Variants in KCNMA1 observed in about 807,000 individuals in gnomAD.
The protein encoded by KCNMA1 is potassium calcium-activated channel subfamily M alpha 1.
Under a neutral mutation model 140.0 loss-of-function variants are expected in KCNMA1, and 29 were observed. The ratio of observed to expected loss-of-function variants is 0.21; its 90% CI spans 0.15 to 0.28. KCNMA1 has a LOEUF of 0.28. Among genes scored for constraint, KCNMA1 ranks in the 10% least tolerant of loss-of-function variants. The pLI is 1.00. For synonymous variants in KCNMA1, 612 were observed against 611.9 expected (o/e 1.00, Z 0.00); for missense variants, 880 against 1,602.2 (o/e 0.55, Z 7.70).
intron 1 of KCNMA1, among the ~76,000 whole-genome samples, chr10:77,476,941 C>T (rs932214797): frequency 6.6e-6 from 1 of 152,202 alleles, no homozygotes; most frequent in Non-Finnish European, 1.5e-5. Flanking sequence ...ATAAATAAGA[C>T]ACGACCCTAC....
At chr10:77,115,126 GCA>G (rs2097425387) in intron 6 of KCNMA1, among the ~76,000 whole-genome samples, 1 of 152,150 alleles carries the variant, frequency 6.6e-6, no homozygotes, top group Admixed American at 6.5e-5. Flanking sequence ...CTATGGAAGA[GCA>G]CAGAGGAATC....
At chr10:77,613,574 G>A (rs921248437) in intron 1 of KCNMA1, among the ~76,000 whole-genome samples, 2 of 146,628 alleles carry the variant, frequency 1.4e-5, no homozygotes, top group East Asian at 1.9e-4. Context: ...TGGTGTACAC[G>A]GAGGGGTTAA....
chr10:77,612,736 A>G (rs1192143043), intron 1 of KCNMA1, among the ~76,000 whole-genome samples: 1 of 152,110 alleles, frequency 6.6e-6, no homozygotes, highest in East Asian at 1.9e-4. Flanking sequence ...CATATTTCCA[A>G]TGTGGGGGTA....
intron 23 of KCNMA1, among the ~76,000 whole-genome samples, chr10:76,941,269 A>G (rs976591160): frequency 6.6e-6 from 1 of 152,166 alleles, no homozygotes; most frequent in Non-Finnish European, 1.5e-5. Flanking sequence ...CATAATCCCT[A>G]TTCCCTTGGA....
At chr10:77,344,031 C>T (rs1188116687) in intron 2 of KCNMA1, among the ~76,000 whole-genome samples, 1 of 152,180 alleles carries the variant, frequency 6.6e-6, no homozygotes, top group South Asian at 2.1e-4. Flanking sequence ...TCTTCAGTGC[C>T]ATCAGGGAAG....
At chr10:77,026,628 T>G (rs1034655345) in intron 16 of KCNMA1, among the ~76,000 whole-genome samples, 2 of 151,414 alleles carry the variant, frequency 1.3e-5, no homozygotes, top group Middle Eastern at 3.2e-3. Context: ...GTTCTACATA[T>G]GGCCACCAAA....
downstream of KCNMA1, chr10:76,883,993 C>T (rs546726099): frequency 1.8e-5 from 18 of 983,746 alleles, no homozygotes; most frequent in African/African-American, 3.0e-4. Context: ...TTATCTACCA[C>T]TGGGGCATGA....
chr10:76,949,028 T>C, intron 22 of KCNMA1, 114 bp downstream of exon 22: 2 of 914,140 alleles, frequency 2.2e-6, no homozygotes, highest in South Asian at 1.3e-5. Context: ...CTCAGGCCCA[T>C]ACCCAGATGA....
At chr10:77,360,211 C>T (rs756855359) in intron 2 of KCNMA1, among the ~76,000 whole-genome samples, 1 of 152,172 alleles carries the variant, frequency 6.6e-6, no homozygotes, top group Non-Finnish European at 1.5e-5. Context: ...AGGTACAATA[C>T]AATGCAACAG....
chr10:77,300,376 C>T (rs1049412526), intron 2 of KCNMA1, among the ~76,000 whole-genome samples: 1 of 152,202 alleles, frequency 6.6e-6, no homozygotes, highest in Admixed American at 6.5e-5. Flanking sequence ...CCTCAACTCC[C>T]TCCCCCATAC....
intron 1 of KCNMA1, among the ~76,000 whole-genome samples, chr10:77,590,355 G>A (rs1473844619): frequency 4.6e-5 from 7 of 152,200 alleles, no homozygotes; most frequent in East Asian, 1.9e-4. Flanking sequence ...GGGGAGGCTC[G>A]GGCAGCACAG....
At chr10:77,442,213 C>A (rs2097421226) in intron 1 of KCNMA1, among the ~76,000 whole-genome samples, 1 of 152,204 alleles carries the variant, frequency 6.6e-6, no homozygotes, top group South Asian at 2.1e-4. Flanking sequence ...TCACTCTCAC[C>A]CCCACCCCAT....
chr10:77,185,067 T>C (rs1032145155), intron 3 of KCNMA1, 151 bp from the exon 4 acceptor site: 4 of 687,142 alleles, frequency 5.8e-6, no homozygotes, highest in South Asian at 1.5e-5. Context: ...CCTGGGATCA[T>C]CAAGCAAGCA....
chr10:77,238,832 C>T (rs969582337), intron 3 of KCNMA1, among the ~76,000 whole-genome samples: 1 of 152,160 alleles, frequency 6.6e-6, no homozygotes, highest in Admixed American at 6.5e-5. Flanking sequence ...CTATAGGGTA[C>T]CTGGCAGGCA....
chr10:77,312,097 A>C (rs2154345196), intron 2 of KCNMA1, among the ~76,000 whole-genome samples: 2 of 152,364 alleles, frequency 1.3e-5, no homozygotes, highest in South Asian at 4.1e-4. Context: ...CAGGGAGAAC[A>C]CCCAGAAAGG....
At chr10:77,228,469 G>C (rs768458747) in intron 3 of KCNMA1, among the ~76,000 whole-genome samples, 2 of 152,148 alleles carry the variant, frequency 1.3e-5, no homozygotes, top group Non-Finnish European at 2.9e-5. Flanking sequence ...AGGAGGTAAA[G>C]CTCCCATAAG....
intron 17 of KCNMA1, among the ~76,000 whole-genome samples, chr10:77,018,376 A>G (rs545428514): frequency 6.6e-6 from 1 of 152,330 alleles, no homozygotes; most frequent in South Asian, 2.1e-4. Flanking sequence ...CAAATACAAT[A>G]ATATTCCATG....
intron 1 of KCNMA1, among the ~76,000 whole-genome samples, chr10:77,482,424 C>A (rs1180330602): frequency 1.3e-5 from 2 of 152,214 alleles, no homozygotes; most frequent in Non-Finnish European, 2.9e-5. Flanking sequence ...GAAAGGAACC[C>A]AGATGAACCA....
intron 3 of KCNMA1, among the ~76,000 whole-genome samples, chr10:77,214,942 G>T (rs2047231304): frequency 6.6e-6 from 1 of 152,054 alleles, no homozygotes; most frequent in Admixed American, 6.5e-5. Flanking sequence ...CAACTCACAG[G>T]CATTCAAAGT....
Sources: gnomAD v4.1 joint callset for allele counts (sites outside exome capture counted in the v4.1 genomes callset) on GRCh38, gnomAD v4.1.1 for gene constraint, MANE v1.5 for transcripts, NCBI Gene and HGNC (gene_info 2026-07-23, HGNC 2026-07-21) for gene names.